Variants in SMARCA2 observed in about 807,000 individuals in gnomAD.
The protein encoded by SMARCA2 is SWI/SNF-related matrix-associated actin-dependent regulator of chromatin subfamily A member 2.
In SMARCA2, 61 loss-of-function variants were observed where a neutral mutation model predicts 199.8. The ratio of observed to expected loss-of-function variants is 0.31; its 90% CI spans 0.25 to 0.38. SMARCA2 has a LOEUF of 0.38. Among genes scored for constraint, SMARCA2 ranks in the 10% least tolerant of loss-of-function variants. SMARCA2 has a pLI of 1.00. For missense variants in SMARCA2, 1,344 were observed against 2,012.2 expected (o/e 0.67, Z 6.35); for synonymous variants, 935 against 732.0 (o/e 1.28, Z -4.48).
At chr9:2,174,900 G>T (rs562232552) in intron 29 of SMARCA2, among the ~76,000 whole-genome samples, 9 of 131,282 alleles carry the variant, frequency 6.9e-5, no homozygotes, top group Non-Finnish European at 1.1e-4. Context: ...AGTCCAGCCT[G>T]GGGGACAGAG....
At chr9:2,094,806 G>C (rs886549423) in intron 19 of SMARCA2, among the ~76,000 whole-genome samples, 2 of 152,118 alleles carry the variant, frequency 1.3e-5, no homozygotes, top group African/African-American at 4.8e-5. Context: ...GGCTTTTTCT[G>C]TGGAAAGAGC....
Position 2,182,228 on chromosome 9 carries a change from C to T in SMARCA2, c.4447C>T (p.Leu1483=), listed in dbSNP as rs1219578443. 1.9e-6 allele frequency: 3 copies of T among 1,610,268 alleles called. No homozygotes were observed. The highest frequency in any genetic ancestry group is 1.7e-5 in the Admixed American group (1 of 59,980). The change falls in exon 31 of 34, where the codon CTG becomes TTG. Residue 1483 remains leucine, a synonymous_variant. Coordinates refer to ENST00000349721, the MANE Select transcript of SMARCA2 (RefSeq NM_003070.5). The stretch of plus-strand genomic sequence containing the variant: ...CTGTCACAACGCTCAGACGTTCAAC[C>T]TGGAGGGATCCCAGGTCTGTCTTGT... ...LLCHNAQTFN[L]EGSQIYEDSI...
chr9:2,170,172 A>G lies in SMARCA2; in HGVS notation c.4200-247A>G, dbSNP rs1184175064. 6.6e-6 allele frequency among the ~76,000 whole-genome samples: 1 copy of G among 152,174 alleles called. No homozygotes were observed. Among genetic ancestry groups the G allele is most frequent in the Non-Finnish European group, 1.5e-5 (1 of 68,026 alleles). ...TGTAAGAGGGAACAGGGTAACAGGAATTTCTGTGTGTGACGGAAGTAGGAA... is the reference window on the plus strand; with the variant it reads ...TGTAAGAGGGAACAGGGTAACAGGAGTTTCTGTGTGTGACGGAAGTAGGAA... On this transcript the variant is annotated intron_variant, in intron 28 of 33. Coordinates refer to ENST00000349721, the MANE Select transcript of SMARCA2 (RefSeq NM_003070.5). The surrounding 1 kb of genome is among the most constrained non-coding windows in gnomAD (Gnocchi z 4.7).
At chr9:2,095,050 T>G (rs940765052) in intron 19 of SMARCA2, among the ~76,000 whole-genome samples, 3 of 152,178 alleles carry the variant, frequency 2.0e-5, no homozygotes, top group Non-Finnish European at 4.4e-5. Flanking sequence ...TATTATACCT[T>G]GATACAATTA....
intron 20 of SMARCA2, 48 bp from the exon 21 acceptor site, chr9:2,097,323 GGATCTGAAATGTCT>G: frequency 9.4e-7 from 1 of 1,062,664 alleles, no homozygotes. Flanking sequence ...CCAGTGTGAA[GGATCTGAAATGTCT>G]GACCAGTTAA....
chr9:2,092,417 A>G (rs759000232), intron 19 of SMARCA2, among the ~76,000 whole-genome samples: 13 of 152,266 alleles, frequency 8.5e-5, no homozygotes, highest in Non-Finnish European at 1.6e-4. Context: ...CTCTCATGCC[A>G]TAGCGTTTAG....
chr9:2,057,695 T>C (rs1306423006), intron 7 of SMARCA2, among the ~76,000 whole-genome samples: 1 of 152,222 alleles, frequency 6.6e-6, no homozygotes, highest in African/African-American at 2.4e-5. Context: ...TAGGATTTGA[T>C]TTCCTGTCAT....
At chr9:2,030,311 C>T (rs574742396) in intron 2 of SMARCA2, among the ~76,000 whole-genome samples, 6 of 152,188 alleles carry the variant, frequency 3.9e-5, no homozygotes, top group East Asian at 1.9e-4. Context: ...GGTATAGTTC[C>T]GGTCTGAGTC....
intron 19 of SMARCA2, among the ~76,000 whole-genome samples, chr9:2,093,480 A>T (rs1340487300): frequency 6.6e-6 from 1 of 152,202 alleles, no homozygotes; most frequent in East Asian, 1.9e-4. Flanking sequence ...GGTTTCCACC[A>T]CTGGGAGCAT....
At position 2,104,271 on chromosome 9, in the gene SMARCA2, A is replaced by C; in HGVS notation, c.3292+102A>C. 1 of 1,058,150 alleles carries C rather than the reference A, an allele frequency of 9.5e-7. No individual in the cohort carries two copies. Among genetic ancestry groups the C allele is most frequent in the Non-Finnish European group, 1.4e-6 (1 of 728,646 alleles). 65.5% of individuals were successfully genotyped at this position (1,058,150 alleles called of 1,614,324 possible). On this transcript the variant is annotated intron_variant, in intron 23 of 33. Transcript: ENST00000349721. This position sits in a 1 kb window ranked among gnomAD's most constrained non-coding sequence, Gnocchi z 4.0. ...AGCCAAAAAGAAGGGGTAAAATTGA[A>C]GAATTGACTAGAAGCATTGGGAGCA...
intron 29 of SMARCA2, among the ~76,000 whole-genome samples, chr9:2,173,404 C>T (rs1168863389): frequency 6.6e-6 from 1 of 152,168 alleles, no homozygotes; most frequent in Non-Finnish European, 1.5e-5. Context: ...GAGCGAGAGG[C>T]TGTAATGATA....
intron 28 of SMARCA2, among the ~76,000 whole-genome samples, chr9:2,164,977 T>G (rs1825866271): frequency 6.6e-6 from 1 of 152,202 alleles, no homozygotes; most frequent in Non-Finnish European, 1.5e-5. Context: ...TTTAACTTGG[T>G]ACTCAAGTAG....
At chr9:2,037,234 A>G (rs1819374588) in intron 3 of SMARCA2, among the ~76,000 whole-genome samples, 1 of 152,214 alleles carries the variant, frequency 6.6e-6, no homozygotes, top group African/African-American at 2.4e-5. Flanking sequence ...GATATTCTCT[A>G]AGTGTTTATT....
chr9:2,056,614 G>A lies in SMARCA2; in HGVS notation c.1174-58G>A. Reference sequence around the variant, plus strand: ...ATTAAATGCAACCGCGAGAAGGCCAGAGTTCAGGAACCTAGCTTCTGTTAG... The same window carrying A: ...ATTAAATGCAACCGCGAGAAGGCCAAAGTTCAGGAACCTAGCTTCTGTTAG... On this transcript the variant is annotated intron_variant, in intron 6 of 33. Coordinates refer to ENST00000349721, the MANE Select transcript of SMARCA2 (RefSeq NM_003070.5). The surrounding 1 kb of genome is among the most constrained non-coding windows in gnomAD (Gnocchi z 4.0). 1 of 1,518,056 alleles carries A rather than the reference G, an allele frequency of 6.6e-7. No individual in the cohort carries two copies. The highest frequency in any genetic ancestry group is 8.9e-7 in the Non-Finnish European group (1 of 1,122,044). 94.0% of individuals were successfully genotyped at this position (1,518,056 alleles called of 1,614,324 possible).
intron 27 of SMARCA2, among the ~76,000 whole-genome samples, chr9:2,151,646 T>C (rs1391564183): frequency 6.6e-6 from 1 of 152,014 alleles, no homozygotes; most frequent in Non-Finnish European, 1.5e-5. Flanking sequence ...GACATGAGAA[T>C]CTCTTGAACC....
chr9:2,034,309 A>ACT (rs1819221077), intron 3 of SMARCA2, among the ~76,000 whole-genome samples: 2 of 151,566 alleles, frequency 1.3e-5, no homozygotes, highest in Non-Finnish European at 2.9e-5. Context: ...GGGGGTTAGG[A>ACT]CTTCAACATA....
chr9:2,156,274 C>T (rs1019167816), intron 27 of SMARCA2, among the ~76,000 whole-genome samples: 11 of 151,794 alleles, frequency 7.2e-5, no homozygotes, highest in African/African-American at 9.7e-5. Context: ...TGCTGTGTGT[C>T]GAGGTGGTAA....
At chr9:2,101,667 A>G in intron 22 of SMARCA2, 51 bp downstream of exon 22, 3 of 909,188 alleles carry the variant, frequency 3.3e-6, no homozygotes, top group Non-Finnish European at 5.4e-6. Flanking sequence ...TTGGCCTTAC[A>G]TAAACTCCTC....
Position 2,033,306 on chromosome 9 carries a change from G to T in SMARCA2, c.355+225G>T, listed in dbSNP as rs1393113634. ...CTAGTAATTTTACTAGCCACCATGT[G>T]TCCAAGCAGTCTGCAAAGAGCTCTA... On this transcript the variant is annotated intron_variant, in intron 3 of 33. Transcript: ENST00000349721. 4 of 476,108 alleles carry T rather than the reference G, an allele frequency of 8.4e-6. No homozygotes were observed. In the South Asian group the frequency reaches 9.0e-5, roughly 11 times the overall value. 29.5% of individuals were successfully genotyped at this position (476,108 alleles called of 1,614,324 possible).
Sources: gnomAD v4.1 joint callset for allele counts (sites outside exome capture counted in the v4.1 genomes callset) on GRCh38, gnomAD v4.1.1 for gene constraint, Gnocchi (gnomAD v3.1) non-coding constraint, MANE v1.5 for transcripts, NCBI Gene and HGNC (gene_info 2026-07-23, HGNC 2026-07-21) for gene names.